COX18: variants seen among roughly 807,000 people sequenced by gnomAD.
The protein encoded by COX18 is cytochrome c oxidase assembly protein COX18, mitochondrial.
In COX18, 45 loss-of-function variants were observed where a neutral mutation model predicts 38.0. The ratio of observed to expected loss-of-function variants is 1.18; its 90% CI spans 0.93 to 1.52. The LOEUF is 1.52. Among genes scored for constraint, COX18 ranks in the 40% most tolerant of loss-of-function variants. COX18 has a pLI of 0.00. For synonymous variants in COX18, 177 were observed against 169.8 expected (o/e 1.04, Z -0.33); for missense variants, 462 against 423.8 (o/e 1.09, Z -0.79).
In COX18 at chr4:73,055,750, TTG is replaced by T. The variant is rs1158814368; in HGVS notation, c.*2362_*2363del. The T allele has an allele frequency of 2.0e-5, 3 of 152,204 alleles. No homozygotes were observed. The highest frequency in any genetic ancestry group is 1.5e-5 in the Non-Finnish European group (1 of 68,026). 9.4% of individuals were successfully genotyped at this position (152,204 alleles called of 1,614,324 possible). A position where few individuals can be genotyped will look rare whatever the true frequency, so the allele number is the denominator to read the frequency against. On this transcript the variant is annotated 3_prime_UTR_variant, in exon 6 of 6. Transcript: ENST00000507544. The stretch of plus-strand genomic sequence containing the variant: ...TTGCCTACAAATGGCTCAAAAGCAC[TTG>T]TGCAAGTACTGGTTCTGGGGTTATG...
chr4:73,056,727 A>T lies in COX18; in HGVS notation c.*1387T>A, dbSNP rs1414852282. 2.6e-5 allele frequency: 4 copies of T among 152,172 alleles called. No homozygotes were observed. Among genetic ancestry groups the T allele is most frequent in the Non-Finnish European group, 5.9e-5 (4 of 68,024 alleles). The allele number at this position is 152,172 out of a possible 1,614,324, so 9.4% of individuals were successfully genotyped here. A position where few individuals can be genotyped will look rare whatever the true frequency, so the allele number is the denominator to read the frequency against. On this transcript the variant is annotated 3_prime_UTR_variant, in exon 6 of 6. Coordinates refer to ENST00000507544, the MANE Select transcript of COX18 (RefSeq NM_001297732.2). ...TTCCTGGTAACAAGGAAGTCCCCGT[A>T]TTGTGAGTCTTAAGATTTTTCTGAA...
chr4:73,067,864 A>AAAAAAATAAATAT, intron 2 of COX18, among the ~76,000 whole-genome samples, 165 bp downstream of exon 2: 1 of 20,010 alleles, frequency 5.0e-5, no homozygotes, highest in Non-Finnish European at 1.6e-4. Context: ...AAAAAAAAAA[A>AAAAAAATAAATAT]ATATATATAT....
rs1459597499 is a variant in COX18, at chr4:73,061,894, C to T, written c.750G>A (p.Met250Ile). 6.2e-7 allele frequency: 1 copy of T among 1,612,318 alleles called. No homozygotes were observed. Among genetic ancestry groups the T allele is most frequent in the Non-Finnish European group, 8.5e-7 (1 of 1,178,678 alleles). The stretch of plus-strand genomic sequence containing the variant: ...ACGTAATATACGTCTGAAAACGAGA[C>T]ATTCCAATTTTTTGTAGAGCACAAA... ...VEICALQKIG[M>I]SRFQTYITYF... Residue 250 changes from methionine (M) to isoleucine (I), a missense_variant, in exon 5 of 6, where the codon ATG becomes ATA. Transcript: ENST00000507544.
chr4:73,064,646 C>T, intron 4 of COX18, 132 bp downstream of exon 4: 1 of 1,042,590 alleles, frequency 9.6e-7, no homozygotes, highest in Non-Finnish European at 1.4e-6. Flanking sequence ...TGACGTGGAA[C>T]CAGGAACCAA....
intron 5 of COX18, among the ~76,000 whole-genome samples, chr4:73,061,524 T>C (rs1720153220): frequency 6.6e-6 from 1 of 151,798 alleles, no homozygotes; most frequent in African/African-American, 2.4e-5. Flanking sequence ...CTGGTTAATA[T>C]GGTGAAACCC....
chr4:73,059,628 G>A (rs750385631), intron 5 of COX18, among the ~76,000 whole-genome samples: 1 of 152,160 alleles, frequency 6.6e-6, no homozygotes, highest in African/African-American at 2.4e-5. Context: ...ACTTCTCTGT[G>A]CCTCAGTTTC....
chr4:73,063,474 T>G (rs1720282203), intron 4 of COX18, among the ~76,000 whole-genome samples: 1 of 152,202 alleles, frequency 6.6e-6, no homozygotes, highest in Non-Finnish European at 1.5e-5. Context: ...CACTGCAGCC[T>G]CCATCTCTTG....
At position 73,058,302 on chromosome 4, in the gene COX18, C is replaced by A. The variant is rs202010318; in HGVS notation, c.832-15G>T. 6.4e-7 allele frequency: 1 copy of A among 1,569,864 alleles called. No homozygotes were observed. Among genetic ancestry groups the A allele is most frequent in the South Asian group, 1.2e-5 (1 of 86,310 alleles). The stretch of plus-strand genomic sequence containing the variant: ...AGAACAATTGACTATAAAGAGAAGA[C>A]ATAAATGTTAGCATCTGTAATTCTA... On this transcript the variant is annotated splice_polypyrimidine_tract_variant and intron_variant, in intron 5 of 5. Transcript: ENST00000507544.
At chr4:73,065,157 A>T in intron 3 of COX18, 93 bp downstream of exon 3, 3 of 1,207,938 alleles carry the variant, frequency 2.5e-6, no homozygotes, top group Non-Finnish European at 3.5e-6. Context: ...ACATATCGTA[A>T]TTATGAAAAG....
chr4:73,067,872 TA>T (rs1720537165), intron 2 of COX18, among the ~76,000 whole-genome samples, 156 bp downstream of exon 2: 2 of 74,132 alleles, frequency 2.7e-5, no homozygotes, highest in African/African-American at 1.0e-4. Context: ...AAAATATATA[TA>T]TATATATATA....
chr4:73,068,182 T>C, intron 1 of COX18, 53 bp from the exon 2 acceptor site: 1 of 1,115,044 alleles, frequency 9.0e-7, no homozygotes, highest in Non-Finnish European at 1.3e-6. Context: ...TTATTCATAA[T>C]GACTCATAAT....
rs1305832783 is a variant in COX18 at position 73,065,472 on chromosome 4, T to C, written c.435-59A>G. 8.3e-6 allele frequency: 12 copies of C among 1,453,116 alleles called. No homozygotes were observed. In the Admixed American group the frequency reaches 1.7e-4, roughly 20 times the overall value. 90.0% of individuals were successfully genotyped at this position (1,453,116 alleles called of 1,614,324 possible). A position where few individuals can be genotyped will look rare whatever the true frequency, so the allele number is the denominator to read the frequency against. ...AGAAAATGTCATCTAAGAATCGTGC[T>C]TTATTTCCATAGCACAAATAGCGCC... is the stretch of plus-strand genomic sequence containing the variant. On this transcript the variant is annotated intron_variant, in intron 2 of 5. Coordinates refer to ENST00000507544, the MANE Select transcript of COX18 (RefSeq NM_001297732.2).
chr4:73,059,492 T>C (rs1158216615), intron 5 of COX18, among the ~76,000 whole-genome samples: 2 of 152,154 alleles, frequency 1.3e-5, no homozygotes, highest in African/African-American at 2.4e-5. Context: ...AGTCAGTCTT[T>C]AGGGGCAGAA....
At chr4:73,068,183 GA>G in intron 1 of COX18, 54 bp from the exon 2 acceptor site, 1 of 1,108,784 alleles carries the variant, frequency 9.0e-7, no homozygotes, top group Non-Finnish European at 1.3e-6. Flanking sequence ...TATTCATAAT[GA>G]CTCATAATCT....
chr4:73,063,806 G>A (rs1720297484), intron 4 of COX18, among the ~76,000 whole-genome samples: 1 of 152,176 alleles, frequency 6.6e-6, no homozygotes, highest in South Asian at 2.1e-4. Context: ...AGAATAAGGG[G>A]TATATTAGAT....
intron 4 of COX18, among the ~76,000 whole-genome samples, chr4:73,064,158 G>A (rs1421015593): frequency 1.3e-5 from 2 of 151,822 alleles, no homozygotes; most frequent in Non-Finnish European, 2.9e-5. Context: ...GGTGGTGTGC[G>A]CCTATAATCC....
chr4:73,068,921 G>C (rs1044684497), intron 1 of COX18, among the ~76,000 whole-genome samples: 2 of 152,134 alleles, frequency 1.3e-5, no homozygotes, highest in South Asian at 2.1e-4. Flanking sequence ...AGACCAGCTG[G>C]AATACTTTGG....
Position 73,055,621 on chromosome 4 carries a change from G to A in COX18, c.*2493C>T, listed in dbSNP as rs1719859029. ...AAAAGAACAGAAATTAGGAAGAGAT[G>A]GGACTAAGTAGACTCAAAAAGGATA... On this transcript the variant is annotated 3_prime_UTR_variant, in exon 6 of 6. Coordinates refer to ENST00000507544, the MANE Select transcript of COX18 (RefSeq NM_001297732.2). The A allele has an allele frequency of 6.6e-6, 1 of 152,170 alleles. No homozygotes were observed. Among genetic ancestry groups the A allele is most frequent in the South Asian group, 2.1e-4 (1 of 4,828 alleles). 9.4% of individuals were successfully genotyped at this position (152,170 alleles called of 1,614,324 possible).
chr4:73,058,390 C>A, intron 5 of COX18, 103 bp from the exon 6 acceptor site: 2 of 728,804 alleles, frequency 2.7e-6, no homozygotes, highest in Non-Finnish European at 4.4e-6. Context: ...ACAAGTATGC[C>A]AAGACTAAGC....
Sources: allele counts gnomAD v4.1 joint callset (sites outside exome capture counted in the v4.1 genomes callset), GRCh38; gene constraint gnomAD v4.1.1; transcripts MANE v1.5; gene names NCBI Gene and HGNC (gene_info 2026-07-23, HGNC 2026-07-21).